The following CSMD1 variants were observed in gnomAD, a reference collection of about 807,000 sequenced individuals.
CSMD1 encodes CUB and sushi domain-containing protein 1.
A neutral mutation model predicts 417.5 loss-of-function variants in CSMD1; 213 were observed. That is an observed-to-expected ratio of 0.51 (90% CI 0.46 to 0.57). The LOEUF (loss-of-function observed/expected upper bound fraction) is 0.57. Ranked by LOEUF, CSMD1 falls within the 20% of genes least tolerant of loss-of-function variation. The pLI is 0.00. For missense variants in CSMD1, 6,923 were observed against 4,529.7 expected (o/e 1.53, Z -15.17); for synonymous variants, 2,862 against 1,736.8 (o/e 1.65, Z -16.11).
chr8:4,110,871 C>T (rs1042702584), intron 3 of CSMD1, among the ~76,000 whole-genome samples: 1 of 151,938 alleles, frequency 6.6e-6, no homozygotes, highest in African/African-American at 2.4e-5. Context: ...TTGAAGAGTA[C>T]TGAAATATTA....
chr8:2,969,159 A>G (rs1474607238), intron 57 of CSMD1, among the ~76,000 whole-genome samples: 1 of 152,198 alleles, frequency 6.6e-6, no homozygotes, highest in Non-Finnish European at 1.5e-5. Flanking sequence ...GGCTGTTACC[A>G]AATTACCCAC....
chr8:3,368,157 G>T (rs565247547), intron 19 of CSMD1, among the ~76,000 whole-genome samples: 1 of 152,194 alleles, frequency 6.6e-6, no homozygotes, highest in East Asian at 1.9e-4. Context: ...CTCATAATCT[G>T]TGTCTTCTTT....
chr8:4,430,117 A>C (rs1265972493), intron 2 of CSMD1, among the ~76,000 whole-genome samples: 3 of 152,178 alleles, frequency 2.0e-5, no homozygotes, highest in Non-Finnish European at 2.9e-5. Flanking sequence ...TTTATAAATA[A>C]AGCTAAATGT....
At chr8:3,534,518 C>CAAA (rs566979953) in intron 10 of CSMD1, among the ~76,000 whole-genome samples, 11 of 86,556 alleles carry the variant, frequency 1.3e-4, no homozygotes, top group Non-Finnish European at 2.7e-4. Context: ...TTCTCAATTA[C>CAAA]AAAAAAAAAA....
At chr8:3,478,691 T>A (rs1817565352) in intron 11 of CSMD1, among the ~76,000 whole-genome samples, 1 of 152,158 alleles carries the variant, frequency 6.6e-6, no homozygotes, top group Non-Finnish European at 1.5e-5. Context: ...GTGACCCGTC[T>A]GACTACCAGA....
At chr8:3,492,028 G>A (rs752301111) in intron 11 of CSMD1, among the ~76,000 whole-genome samples, 2 of 152,168 alleles carry the variant, frequency 1.3e-5, no homozygotes, top group South Asian at 2.1e-4. Flanking sequence ...GGGGTAGGAA[G>A]GGATGAGGAA....
intron 26 of CSMD1, among the ~76,000 whole-genome samples, chr8:3,269,844 G>A (rs1259513461): frequency 6.6e-6 from 1 of 152,138 alleles, no homozygotes; most frequent in Non-Finnish European, 1.5e-5. Flanking sequence ...GAGCTGGCAG[G>A]ACAGTGGACC....
chr8:3,998,346 G>A (rs547930120), intron 4 of CSMD1, among the ~76,000 whole-genome samples: 2 of 152,100 alleles, frequency 1.3e-5, no homozygotes, highest in African/African-American at 4.8e-5. Context: ...AGATGGAAAC[G>A]GTGGCTTTTC....
intron 5 of CSMD1, among the ~76,000 whole-genome samples, chr8:3,850,618 C>G (rs981162195): frequency 6.6e-6 from 1 of 152,102 alleles, no homozygotes; most frequent in African/African-American, 2.4e-5. Context: ...TAACTTGAAC[C>G]TGGGGGGCGG....
At chr8:4,353,315 C>T (rs1353061192) in intron 3 of CSMD1, among the ~76,000 whole-genome samples, 1 of 152,116 alleles carries the variant, frequency 6.6e-6, no homozygotes, top group Non-Finnish European at 1.5e-5. Flanking sequence ...GCTCTCTTCC[C>T]TGCCACCATG....
chr8:3,759,058 A>G (rs1022744579), intron 5 of CSMD1, among the ~76,000 whole-genome samples: 1 of 152,234 alleles, frequency 6.6e-6, no homozygotes, highest in Non-Finnish European at 1.5e-5. Flanking sequence ...AGAGCAACAC[A>G]GCCCAGCTGA....
chr8:3,741,397 G>A (rs1246416177), intron 6 of CSMD1, among the ~76,000 whole-genome samples: 1 of 151,950 alleles, frequency 6.6e-6, no homozygotes, highest in Non-Finnish European at 1.5e-5. Context: ...TGGCATATAG[G>A]GCCAGGTTAT....
At chr8:3,083,225 G>T (rs1414798580) in intron 49 of CSMD1, among the ~76,000 whole-genome samples, 1 of 151,788 alleles carries the variant, frequency 6.6e-6, no homozygotes, top group Admixed American at 6.6e-5. Context: ...GACAGAACAT[G>T]TCTTCAATTT....
In CSMD1 at chr8:3,752,991, T is replaced by G. The variant is rs2720857; in HGVS notation, c.931+939A>C. Reference sequence around the variant, plus strand: ...AGCAGGAGCTATAATTAGATCCCTTTGCATTCTGACTTTCATGGGAGGTAT... The same window carrying G: ...AGCAGGAGCTATAATTAGATCCCTTGGCATTCTGACTTTCATGGGAGGTAT... On this transcript the variant is annotated intron_variant, in intron 6 of 69. Coordinates refer to ENST00000635120, the MANE Select transcript of CSMD1 (RefSeq NM_033225.6). Among the ~76,000 whole-genome samples the G allele has an allele frequency of 4.6e-3, 702 of 152,336 alleles. 23 individuals are homozygous for G. In the East Asian group the frequency reaches 0.077, roughly 17 times the overall value.
intron 5 of CSMD1, among the ~76,000 whole-genome samples, chr8:3,942,854 C>A (rs1349525702): frequency 1.3e-5 from 2 of 152,110 alleles, no homozygotes; most frequent in African/African-American, 4.8e-5. Flanking sequence ...TATCGTCCCA[C>A]AAATTGATGT....
intron 1 of CSMD1, among the ~76,000 whole-genome samples, chr8:4,754,129 G>T (rs543307075): frequency 1.3e-5 from 2 of 152,130 alleles, no homozygotes; most frequent in Admixed American, 1.3e-4. Context: ...TTTATTCTTG[G>T]TGGTAGCAAT....
At chr8:4,867,324 TCA>T (rs1349775333) in intron 1 of CSMD1, among the ~76,000 whole-genome samples, 1 of 152,114 alleles carries the variant, frequency 6.6e-6, no homozygotes, top group East Asian at 1.9e-4. Context: ...TTATATCTTG[TCA>T]TTGAAGAGCA....
chr8:4,345,009 T>C (rs1800699664), intron 3 of CSMD1, among the ~76,000 whole-genome samples: 1 of 152,162 alleles, frequency 6.6e-6, no homozygotes, highest in African/African-American at 2.4e-5. Context: ...GTTTCATTCT[T>C]TCTAAGGCAG....
chr8:4,372,017 C>T (rs1802427570), intron 3 of CSMD1, among the ~76,000 whole-genome samples: 2 of 151,992 alleles, frequency 1.3e-5, no homozygotes, highest in South Asian at 2.1e-4. Flanking sequence ...AAAGGTTCAG[C>T]ACGATATAGC....
Sources: allele counts gnomAD v4.1 joint callset (sites outside exome capture counted in the v4.1 genomes callset), GRCh38; gene constraint gnomAD v4.1.1; transcripts MANE v1.5; gene names NCBI Gene and HGNC (gene_info 2026-07-23, HGNC 2026-07-21).